The following MCPH1 variants were observed in gnomAD, a reference collection of about 807,000 sequenced individuals.
MCPH1 encodes the protein microcephalin.
A neutral mutation model predicts 84.5 loss-of-function variants in MCPH1; 104 were observed. That is an observed-to-expected ratio of 1.23 (90% confidence interval 1.05 to 1.45). The LOEUF (loss-of-function observed/expected upper bound fraction) is 1.45, where lower values mean the gene tolerates loss of function less well. Among genes scored for constraint, MCPH1 ranks in the 40% most tolerant of loss-of-function variants. The pLI is 0.00. For missense variants in MCPH1, 1,498 were observed against 1,005.7 expected (o/e 1.49, Z -6.62); for synonymous variants, 514 against 366.8 (o/e 1.40, Z -4.58).
intron 2 of MCPH1, among the ~76,000 whole-genome samples, chr8:6,411,045 G>T (rs758260662): frequency 6.6e-6 from 1 of 152,080 alleles, no homozygotes; most frequent in Non-Finnish European, 1.5e-5. Context: ...AGCCGAGATT[G>T]CACCACTGCA....
At chr8:6,491,610 T>G (rs1476677349) in intron 11 of MCPH1, among the ~76,000 whole-genome samples, 1 of 152,118 alleles carries the variant, frequency 6.6e-6, no homozygotes, top group Non-Finnish European at 1.5e-5. Flanking sequence ...TATCTCCTAA[T>G]GCTATCCCTC....
At chr8:6,508,520 C>G (rs1384202467) in intron 12 of MCPH1, 3 of 240,886 alleles carry the variant, frequency 1.2e-5, no homozygotes, top group Non-Finnish European at 2.3e-5. Flanking sequence ...CTTCTTTGAA[C>G]ATTAAATTAT....
chr8:6,482,241 C>T (rs768252384), intron 11 of MCPH1, among the ~76,000 whole-genome samples: 1 of 152,102 alleles, frequency 6.6e-6, no homozygotes, highest in Non-Finnish European at 1.5e-5. Flanking sequence ...GAACGTTGTC[C>T]ACTTAATATG....
chr8:6,458,944 G>A (rs1332256405), intron 9 of MCPH1, among the ~76,000 whole-genome samples: 1 of 152,202 alleles, frequency 6.6e-6, no homozygotes, highest in African/African-American at 2.4e-5. Context: ...ACAGCACCTA[G>A]CCAGCAACAT....
At chr8:6,524,780 T>C (rs1818018549) in intron 12 of MCPH1, among the ~76,000 whole-genome samples, 1 of 152,212 alleles carries the variant, frequency 6.6e-6, no homozygotes, top group Non-Finnish European at 1.5e-5. Context: ...GTAAGGTCTG[T>C]AAATAGAAGT....
At position 6,566,937 on chromosome 8, in the gene MCPH1, G is replaced by A. The variant is rs7836998; in HGVS notation, c.2215-54517G>A. Among the ~76,000 whole-genome samples the A allele has an allele frequency of 6.6e-3, 961 of 146,256 alleles. 16 individuals are homozygous for A. Among genetic ancestry groups the A allele is most frequent in the African/African-American group, 0.024 (909 of 38,010 alleles). On this transcript the variant is annotated intron_variant, in intron 12 of 13. Coordinates refer to ENST00000344683, the MANE Select transcript of MCPH1 (RefSeq NM_024596.5). ...AGGCCATGGATAGTGCACGCGGTGC[G>A]GTGACCGTGTGTGATCGGCAAGGCC...
chr8:6,605,204 G>C (rs1362839414), intron 12 of MCPH1, among the ~76,000 whole-genome samples: 2 of 152,120 alleles, frequency 1.3e-5, no homozygotes, highest in Non-Finnish European at 2.9e-5. Context: ...TACTCATGTT[G>C]GGGGAATTTT....
intron 12 of MCPH1, among the ~76,000 whole-genome samples, chr8:6,572,304 T>A (rs993054864): frequency 2.0e-5 from 3 of 152,198 alleles, no homozygotes; most frequent in Non-Finnish European, 4.4e-5. Context: ...ATCACCTTTT[T>A]CATTTATAGA....
At chr8:6,446,356 T>C in intron 8 of MCPH1, 1 of 984,846 alleles carries the variant, frequency 1.0e-6, no homozygotes, top group Non-Finnish European at 1.2e-6. Context: ...CTCTGCATGA[T>C]TTCTCTGCTC....
intron 11 of MCPH1, among the ~76,000 whole-genome samples, chr8:6,484,741 T>C (rs1586047102): frequency 6.6e-6 from 1 of 152,358 alleles, no homozygotes; most frequent in South Asian, 2.1e-4. Context: ...AGGGGCATCA[T>C]GCCAAGTTGA....
intron 12 of MCPH1, among the ~76,000 whole-genome samples, chr8:6,583,062 A>T (rs1421865035): frequency 6.6e-6 from 1 of 152,152 alleles, no homozygotes; most frequent in Non-Finnish European, 1.5e-5. Context: ...TTCTATAGTC[A>T]ACCAAAACTC....
intron 9 of MCPH1, among the ~76,000 whole-genome samples, chr8:6,459,946 G>A (rs565206013): frequency 5.3e-5 from 8 of 152,346 alleles, no homozygotes; most frequent in South Asian, 2.1e-4. Context: ...ATGCAGAACC[G>A]CGAGAAGAGA....
chr8:6,600,100 G>A (rs1004349014), intron 12 of MCPH1, among the ~76,000 whole-genome samples: 1 of 152,228 alleles, frequency 6.6e-6, no homozygotes, highest in Non-Finnish European at 1.5e-5. Flanking sequence ...AGAAATATCT[G>A]GAGCTGAGTT....
chr8:6,567,473 C>A (rs1051452149), intron 12 of MCPH1, among the ~76,000 whole-genome samples: 1 of 152,152 alleles, frequency 6.6e-6, no homozygotes, highest in Non-Finnish European at 1.5e-5. Context: ...GGCTTACTAA[C>A]GGGATAGAAT....
At chr8:6,471,079 C>CT (rs1190392985) in intron 9 of MCPH1, among the ~76,000 whole-genome samples, 2 of 152,148 alleles carry the variant, frequency 1.3e-5, no homozygotes, top group Non-Finnish European at 2.9e-5. Flanking sequence ...GGGGGAATGC[C>CT]TTTTTTGGGG....
chr8:6,566,924 G>A (rs1053882714), intron 12 of MCPH1, among the ~76,000 whole-genome samples: 4 of 148,730 alleles, frequency 2.7e-5, no homozygotes, highest in Admixed American at 6.7e-5. Context: ...GCCATGGATA[G>A]TGCACGCGGT....
chr8:6,509,171 C>T (rs546267345), intron 12 of MCPH1: 34 of 1,369,210 alleles, frequency 2.5e-5, no homozygotes, highest in Admixed American at 6.6e-5. Flanking sequence ...GTTCTGTACT[C>T]GTTAATGGAC....
At chr8:6,465,270 G>A (rs1050348021) in intron 9 of MCPH1, among the ~76,000 whole-genome samples, 1 of 152,190 alleles carries the variant, frequency 6.6e-6, no homozygotes, top group Non-Finnish European at 1.5e-5. Flanking sequence ...GGAGTAAAGG[G>A]ACTGTAGATA....
chr8:6,636,335 C>CA (rs56881618), intron 13 of MCPH1, among the ~76,000 whole-genome samples: 15,992 of 102,742 alleles, frequency 0.16, 1,620 homozygotes, highest in East Asian at 0.42. Context: ...GAGACTGTCT[C>CA]AAAAAAAAAA....
Sources: allele counts gnomAD v4.1 joint callset (sites outside exome capture counted in the v4.1 genomes callset), GRCh38; gene constraint gnomAD v4.1.1; transcripts MANE v1.5; gene names NCBI Gene and HGNC (gene_info 2026-07-23, HGNC 2026-07-21).